HMCN2: variants seen among roughly 807,000 people sequenced by gnomAD.
The protein encoded by HMCN2 is hemicentin-2.
In HMCN2, 325 loss-of-function variants were observed where a neutral mutation model predicts 377.5. The observed-to-expected ratio is 0.86, with a 90% CI of 0.79 to 0.94. The LOEUF (loss-of-function observed/expected upper bound fraction) is 0.94, where lower values mean the gene tolerates loss of function less well. HMCN2 is among the 40% of genes least tolerant of loss of function. HMCN2 has a pLI of 0.00. For synonymous variants in HMCN2, 2,007 were observed against 2,046.8 expected, an observed-to-expected ratio of 0.98 and a Z score of 0.53; for missense variants, 4,543 against 4,725.3, an observed-to-expected ratio of 0.96 and a Z score of 1.13.
chr9:130,348,442 C>T (rs976133755), intron 26 of HMCN2, 103 bp from the exon 27 acceptor site: 3 of 1,234,552 alleles, frequency 2.4e-6, no homozygotes, highest in Non-Finnish European at 3.1e-6. Flanking sequence ...CAGACCTTCT[C>T]CAACCCCAGT....
intron 53 of HMCN2, 30 bp downstream of exon 53, chr9:130,377,829 G>A (rs566495310): frequency 8.1e-6 from 8 of 985,962 alleles, no homozygotes; most frequent in Non-Finnish European, 9.6e-6. Flanking sequence ...CAGGGGTGGG[G>A]CGTCAGCCAG....
In HMCN2 at chr9:130,296,697, A is replaced by T; in HGVS notation, c.915A>T (p.Ser305=). ...SIKVYSSGRH[S]VRITGVSNID... The stretch of plus-strand genomic sequence containing the variant: ...AGGTCTATAGCAGTGGCCGCCATTC[A>T]GTGAGGATCACAGGCGTCAGCAACA... Residue 305 remains serine, a synonymous_variant, in exon 7 of 98, where the codon TCA becomes TCT. Coordinates refer to ENST00000683500, the MANE Select transcript of HMCN2 (RefSeq NM_001291815.2). The T allele has an allele frequency of 2.1e-6, 1 of 471,146 alleles. No individual in the cohort carries two copies. Among genetic ancestry groups the T allele is most frequent in the South Asian group, 1.5e-5 (1 of 64,570 alleles). The allele number at this position is 471,146 out of a possible 1,614,324, so 29.2% of individuals were successfully genotyped here. A position where few individuals can be genotyped will look rare whatever the true frequency, so the allele number is the denominator to read the frequency against.
chr9:130,410,754 T>C (rs1251063449), intron 85 of HMCN2, 102 bp downstream of exon 85: 1 of 936,802 alleles, frequency 1.1e-6, no homozygotes, highest in East Asian at 2.6e-5. Context: ...GGACTTGGAA[T>C]TCTTTCATTA....
rs1312650165 is a variant in HMCN2 at position 130,361,762 on chromosome 9, A to C, written c.5951-246A>C. On this transcript the variant is annotated intron_variant, in intron 38 of 97. Coordinates refer to ENST00000683500, the MANE Select transcript of HMCN2 (RefSeq NM_001291815.2). This position sits in a 1 kb window ranked among gnomAD's most constrained non-coding sequence, Gnocchi z 4.8. ...TGCGAGTGCTGCTTCCTGGGTGGTC[A>C]GCCTTGGGCAGGTGACTTCCCCTCT... 6.6e-6 allele frequency among the ~76,000 whole-genome samples: 1 copy of C among 152,186 alleles called. No homozygotes were observed. The highest frequency in any genetic ancestry group is 1.9e-4 in the East Asian group (1 of 5,198).
chr9:130,357,785 A>C, intron 34 of HMCN2, 49 bp from the exon 35 acceptor site: 1 of 1,268,210 alleles, frequency 7.9e-7, no homozygotes, highest in Non-Finnish European at 1.0e-6. Flanking sequence ...TGCCCACTGT[A>C]CTCCTCCTGA....
chr9:130,293,303 G>A (rs4427264), intron 4 of HMCN2, among the ~76,000 whole-genome samples: 41,249 of 76,240 alleles, frequency 0.54, 8,994 homozygotes, highest in East Asian at 0.71. Flanking sequence ...TTTTTTTTGC[G>A]GTTCTTGTTG....
At chr9:130,297,648 G>A (rs1836244581) in intron 7 of HMCN2, among the ~76,000 whole-genome samples, 1 of 152,238 alleles carries the variant, frequency 6.6e-6, no homozygotes, top group Non-Finnish European at 1.5e-5. Context: ...CAGACCTTTA[G>A]TGCTTTCTTT....
Position 130,430,600 on chromosome 9 carries a change from C to T in HMCN2, c.14643C>T (p.Cys4881=). The T allele has an allele frequency of 6.5e-7, 1 of 1,548,714 alleles. No homozygotes were observed. Among genetic ancestry groups the T allele is most frequent in the East Asian group, 2.4e-5 (1 of 40,880 alleles). ...GTTTCATCAGGCAGAACGGAGTCTG[C>T]ACAGGTAAGGCCAGGCCCTGACCAT... ...PPGFIRQNGV[C]TDLDECRVRN... Residue 4881 remains cysteine, a synonymous_variant, in exon 95 of 98, where the codon TGC becomes TGT. Coordinates refer to ENST00000683500, the MANE Select transcript of HMCN2 (RefSeq NM_001291815.2).
chr9:130,419,277 T>G (rs1045126977), intron 86 of HMCN2: 1 of 423,938 alleles, frequency 2.4e-6, no homozygotes. Context: ...TTGTTCCTGC[T>G]TAACTGGCAC....
intron 40 of HMCN2, among the ~76,000 whole-genome samples, chr9:130,363,696 G>A (rs949865529): frequency 1.3e-5 from 2 of 151,848 alleles, no homozygotes; most frequent in Non-Finnish European, 2.9e-5. Context: ...GGTGGTGCGT[G>A]CCTGTAGTCC....
chr9:130,408,379 C>T (rs1843219488), intron 83 of HMCN2, among the ~76,000 whole-genome samples: 1 of 152,142 alleles, frequency 6.6e-6, no homozygotes, highest in South Asian at 2.1e-4. Flanking sequence ...TTCCAAAGTA[C>T]CTGGCAGGTA....
In HMCN2 at chr9:130,303,092, G is replaced by C. The variant is rs1355344625; in HGVS notation, c.1421+91G>C. 6 of 362,120 alleles carry C rather than the reference G, an allele frequency of 1.7e-5. No individual in the cohort carries two copies. Among genetic ancestry groups the C allele is most frequent in the Middle Eastern group, 2.0e-3 (2 of 994 alleles). 22.4% of individuals were successfully genotyped at this position (362,120 alleles called of 1,614,324 possible). On this transcript the variant is annotated intron_variant, in intron 9 of 97. Transcript: ENST00000683500. This position sits in a 1 kb window ranked among gnomAD's most constrained non-coding sequence, Gnocchi z 5.2. ...GATCTCAGGGGAGTGGGTGGCAGGA[G>C]AGAGACCTTGGTCTCTGTCATTATC...
At chr9:130,343,138 C>T (rs1284474064) in intron 25 of HMCN2, among the ~76,000 whole-genome samples, 4 of 152,210 alleles carry the variant, frequency 2.6e-5, no homozygotes, top group Non-Finnish European at 4.4e-5. Flanking sequence ...GGATGCCTGG[C>T]TTCTGCCTTT....
At position 130,383,515 on chromosome 9, in the gene HMCN2, A is replaced by G; in HGVS notation, c.8745A>G (p.Ala2915=). The change falls in exon 57 of 98, where the codon GCA becomes GCG. Residue 2915 remains alanine (A), a synonymous_variant. Coordinates refer to ENST00000683500, the MANE Select transcript of HMCN2 (RefSeq NM_001291815.2). The part of the protein sequence containing the change: ...EDGQVLQVST[A]EVADAASYMC... ...CCCTGCACCCACAGGTTTCCACGGC[A>G]GAGGTGGCCGACGCCGCCAGCTACA... The G allele has an allele frequency of 1.0e-6, 1 of 986,054 alleles. No individual in the cohort carries two copies. The highest frequency in any genetic ancestry group is 1.2e-6 in the Non-Finnish European group (1 of 830,098). 61.1% of individuals were successfully genotyped at this position (986,054 alleles called of 1,614,324 possible).
intron 1 of HMCN2, among the ~76,000 whole-genome samples, chr9:130,279,554 T>TGTTG (rs1223103696): frequency 6.6e-6 from 1 of 152,140 alleles, no homozygotes; most frequent in Non-Finnish European, 1.5e-5. Context: ...GGTTTCACCA[T>TGTTG]GTTGGCCAGG....
Position 130,356,210 on chromosome 9 carries a change from C to T in HMCN2, c.5378C>T (p.Thr1793Ile). The change falls in exon 34 of 98, where the codon ACC (threonine) becomes ATC (isoleucine). Residue 1793 changes from threonine (T) to isoleucine (I), a missense_variant. By Grantham distance (89) the Thr-to-Ile change is moderately conservative. This residue lies in a region of HMCN2 where 1,032 missense variants were observed against 1,285.1 expected (regional missense o/e 0.80). Transcript: ENST00000683500. ...DHSGLFACQA[T>I]NEAGTAGAEV... Reference sequence around the variant, plus strand: ...TCAGGCCTCTTCGCCTGCCAGGCCACCAATGAGGCGGGCACTGCCGGGGCC... The same window carrying T: ...TCAGGCCTCTTCGCCTGCCAGGCCATCAATGAGGCGGGCACTGCCGGGGCC... The T allele has an allele frequency of 7.7e-7, 1 of 1,303,212 alleles. No individual in the cohort carries two copies. Among genetic ancestry groups the T allele is most frequent in the Non-Finnish European group, 1.0e-6 (1 of 988,854 alleles). The allele number at this position is 1,303,212 out of a possible 1,614,324, so 80.7% of individuals were successfully genotyped here.
At chr9:130,342,772 C>T (rs1042309447) in intron 25 of HMCN2, among the ~76,000 whole-genome samples, 2 of 152,114 alleles carry the variant, frequency 1.3e-5, no homozygotes, top group Non-Finnish European at 2.9e-5. Context: ...TGAGGCAGCC[C>T]GGGGTCCTTG....
In HMCN2 at chr9:130,369,448, C is replaced by T. The variant is rs183177203; in HGVS notation, c.6788-122C>T. On this transcript the variant is annotated intron_variant, in intron 44 of 97. Coordinates refer to ENST00000683500, the MANE Select transcript of HMCN2 (RefSeq NM_001291815.2). The surrounding 1 kb of genome is among the most constrained non-coding windows in gnomAD (Gnocchi z 4.5). ...GGGAAGGAAAATGGAGGTGAGGTCA[C>T]GAGGTCACACAGCCAGCGATGGCAA... 8.8e-5 allele frequency: 36 copies of T among 409,286 alleles called. No individual in the cohort carries two copies. The highest frequency in any genetic ancestry group is 9.6e-5 in the Non-Finnish European group (29 of 302,992). The allele number at this position is 409,286 out of a possible 1,614,324, so 25.4% of individuals were successfully genotyped here.
rs1456088003 is a variant in HMCN2, at chr9:130,360,443, A to G, written c.5789A>G (p.Lys1930Arg). The change falls in exon 38 of 98, where the codon AAG becomes AGG. Residue 1930 changes from lysine to arginine, a missense_variant. Physicochemically the swap from Lys to Arg is conservative, Grantham distance 26. Around this residue, in one of 5 missense-constraint regions of HMCN2, gnomAD observed 1,032 missense variants for 1,285.1 expected, o/e 0.80. Transcript: ENST00000683500. The surrounding 1 kb of genome is among the most constrained non-coding windows in gnomAD (Gnocchi z 4.7). ...CTTTCCCCAGATGTCTCCTGGTTCA[A>G]GGGCCACCAACCTGTCTCTTCATGG... ...GVPPPDVSWF[K>R]GHQPVSSWMG... The G allele has an allele frequency of 7.7e-7, 1 of 1,297,894 alleles. No homozygotes were observed. Among genetic ancestry groups the G allele is most frequent in the Admixed American group, 2.3e-5 (1 of 42,754 alleles). The allele number at this position is 1,297,894 out of a possible 1,614,324, so 80.4% of individuals were successfully genotyped here.
Sources: allele counts gnomAD v4.1 joint callset (sites outside exome capture counted in the v4.1 genomes callset), GRCh38; gene constraint gnomAD v4.1.1; regional missense constraint gnomAD v4.1.1; non-coding constraint Gnocchi (gnomAD v3.1); transcripts MANE v1.5; gene names NCBI Gene and HGNC (gene_info 2026-07-23, HGNC 2026-07-21).